The following CHN2 variants were observed in gnomAD, a reference collection of about 807,000 sequenced individuals.
CHN2 encodes chimerin 2, also known as beta-chimaerin.
Under a neutral mutation model 56.3 loss-of-function variants are expected in CHN2, and 35 were observed. The observed-to-expected ratio is 0.62, with a 90% confidence interval of 0.47 to 0.82. CHN2 has a LOEUF of 0.82. CHN2 is among the 40% of genes least tolerant of loss of function. The pLI, the probability that CHN2 is intolerant of heterozygous loss-of-function variation, is 0.00. For missense variants in CHN2, 491 were observed against 580.5 expected, an observed-to-expected ratio of 0.85 and a Z score of 1.58; for synonymous variants, 210 against 212.8, an observed-to-expected ratio of 0.99 and a Z score of 0.12.
At chr7:29,185,836 AT>A (rs1209570129) in intron 2 of CHN2, among the ~76,000 whole-genome samples, 1 of 152,244 alleles carries the variant, frequency 6.6e-6, no homozygotes, top group African/African-American at 2.4e-5. Context: ...GTGAATCTGC[AT>A]TTTAGCAAGA....
At chr7:29,338,502 G>A (rs12537070) in intron 1 of CHN2, among the ~76,000 whole-genome samples, 34,626 of 152,052 alleles carry the variant, frequency 0.23, 4,377 homozygotes, top group Non-Finnish European at 0.29. Flanking sequence ...TGTGATTCTG[G>A]GCAACCTCAC....
chr7:29,171,375 C>G (rs66482234), intron 2 of CHN2, among the ~76,000 whole-genome samples: 18,095 of 152,176 alleles, frequency 0.12, 1,267 homozygotes, highest in African/African-American at 0.18. Context: ...CAACATAATA[C>G]ATATGTAATG....
chr7:29,499,600 A>G (rs953955379), intron 8 of CHN2, among the ~76,000 whole-genome samples: 6 of 150,848 alleles, frequency 4.0e-5, no homozygotes, highest in Non-Finnish European at 8.8e-5. Context: ...AAAAAACCTG[A>G]TCAATTACCT....
At chr7:29,509,507 T>G in intron 12 of CHN2, 101 bp downstream of exon 12, 1 of 901,464 alleles carries the variant, frequency 1.1e-6, no homozygotes, top group Non-Finnish European at 1.8e-6. Flanking sequence ...CTGCTGGAGT[T>G]TCACTGTGCC....
At chr7:29,319,791 T>A (rs1795211305) in intron 1 of CHN2, among the ~76,000 whole-genome samples, 1 of 152,162 alleles carries the variant, frequency 6.6e-6, no homozygotes, top group Non-Finnish European at 1.5e-5. Context: ...GGGCCGTGGC[T>A]CATCTGGGCA....
In CHN2 at chr7:29,165,882, G is replaced by A. The variant is rs191398622; in HGVS notation, c.274+18922G>A. 2.0e-3 allele frequency among the ~76,000 whole-genome samples: 305 copies of A among 152,284 alleles called. 1 individual carries two copies. Among genetic ancestry groups the A allele is most frequent in the Non-Finnish European group, 1.3e-3 (90 of 68,010 alleles). ...TGTTAAACCAACCTTGCATTCTTGA[G>A]ATAAACCTTTTATTTGGTAAAATTT... On this transcript the variant is annotated intron_variant, in intron 2 of 6. Transcript: ENST00000439384.
intron 2 of CHN2, among the ~76,000 whole-genome samples, chr7:29,157,255 C>T (rs1390346658): frequency 6.6e-6 from 1 of 152,122 alleles, no homozygotes; most frequent in Admixed American, 6.5e-5. Flanking sequence ...GATGCGACCC[C>T]TCCCCCACCC....
chr7:29,395,364 A>T (rs1045794928), intron 4 of CHN2, among the ~76,000 whole-genome samples: 4 of 152,190 alleles, frequency 2.6e-5, no homozygotes, highest in African/African-American at 9.7e-5. Context: ...CTCTACAAGA[A>T]ATACAAATAT....
chr7:29,270,481 C>A (rs1410012133), intron 1 of CHN2, among the ~76,000 whole-genome samples: 1 of 138,438 alleles, frequency 7.2e-6, no homozygotes, highest in African/African-American at 2.9e-5. Context: ...ATGGTGAAAC[C>A]CCATCTCTAC....
chr7:29,232,731 A>G (rs1786819499), intron 1 of CHN2, among the ~76,000 whole-genome samples: 1 of 152,170 alleles, frequency 6.6e-6, no homozygotes, highest in South Asian at 2.1e-4. Context: ...GTGCACTCAC[A>G]TATTTTAGAG....
Position 29,267,491 on chromosome 7 carries a change from C to A in CHN2, c.49+72501C>A, listed in dbSNP as rs573884408. Among the ~76,000 whole-genome samples, 4 of 152,266 alleles carry A rather than the reference C, an allele frequency of 2.6e-5. No homozygotes were observed. The East Asian group carries it at 7.7e-4, about 29-fold the overall frequency. On this transcript the variant is annotated intron_variant, in intron 1 of 12. Transcript: ENST00000222792. ...ACTCTGACCTCAAGTGACCCTCCCA[C>A]CTTGGCCTCCCAAAGTGCTGGGAGT...
chr7:29,181,463 G>T (rs1009633978), intron 2 of CHN2: 4 of 152,194 alleles, frequency 2.6e-5, no homozygotes, highest in Admixed American at 2.6e-4. Context: ...AAGGAAGTTT[G>T]TCCAAGAGTA....
chr7:29,362,886 C>T (rs935497094), intron 2 of CHN2, among the ~76,000 whole-genome samples: 7 of 152,176 alleles, frequency 4.6e-5, no homozygotes, highest in African/African-American at 1.7e-4. Flanking sequence ...AGATTGTGAC[C>T]CATGGGCCAT....
At chr7:29,188,861 T>C (rs1799038024) in intron 2 of CHN2, among the ~76,000 whole-genome samples, 1 of 152,158 alleles carries the variant, frequency 6.6e-6, no homozygotes, top group African/African-American at 2.4e-5. Context: ...TTTAAAAATT[T>C]GTCCCAGTTG....
At chr7:29,263,333 A>G (rs937617513) in intron 1 of CHN2, among the ~76,000 whole-genome samples, 7 of 152,018 alleles carry the variant, frequency 4.6e-5, no homozygotes, top group Non-Finnish European at 1.0e-4. Context: ...CTCAGTGCTC[A>G]ATGTTGCCCA....
intron 2 of CHN2, chr7:29,185,709 TC>T (rs914681194): frequency 6.6e-6 from 1 of 152,220 alleles, no homozygotes; most frequent in African/African-American, 2.4e-5. Context: ...CTAAAAGCCT[TC>T]TGAGTGATTC....
chr7:29,294,375 G>A (rs1792950898), intron 1 of CHN2, among the ~76,000 whole-genome samples: 2 of 151,566 alleles, frequency 1.3e-5, no homozygotes, highest in African/African-American at 4.9e-5. Flanking sequence ...TACATGATTT[G>A]GGAAAAACAG....
chr7:29,317,104 A>C (rs1380239000), intron 1 of CHN2, among the ~76,000 whole-genome samples: 2 of 152,212 alleles, frequency 1.3e-5, no homozygotes, highest in Non-Finnish European at 2.9e-5. Context: ...GCATCTGTAG[A>C]AGGACTGCTA....
intron 11 of CHN2, among the ~76,000 whole-genome samples, chr7:29,508,957 G>A (rs1407709398): frequency 6.6e-6 from 1 of 152,186 alleles, no homozygotes; most frequent in Non-Finnish European, 1.5e-5. Flanking sequence ...TTGTGAGAGG[G>A]ATATTTCTAG....
Sources: gnomAD v4.1 joint callset for allele counts (sites outside exome capture counted in the v4.1 genomes callset) on GRCh38, gnomAD v4.1.1 for gene constraint, MANE v1.5 for transcripts, NCBI Gene and HGNC (gene_info 2026-07-23, HGNC 2026-07-21) for gene names.